KCNIP4: variants seen among roughly 807,000 people sequenced by gnomAD.
KCNIP4 encodes the protein potassium voltage-gated channel interacting protein 4.
Under a neutral mutation model 34.0 loss-of-function variants are expected in KCNIP4, and 12 were observed. The observed-to-expected ratio is 0.35, with a 90% CI of 0.23 to 0.57. The LOEUF is 0.57. Among genes scored for constraint, KCNIP4 ranks in the 20% least tolerant of loss-of-function variants. The pLI, the probability that KCNIP4 is intolerant of heterozygous loss-of-function variation, is 0.83. For missense variants in KCNIP4, 238 were observed against 311.7 expected, an observed-to-expected ratio of 0.76 and a Z score of 1.78; for synonymous variants, 124 against 102.2, an observed-to-expected ratio of 1.21 and a Z score of -1.29.
At chr4:21,464,211 G>C (rs1729720004) in intron 1 of KCNIP4, among the ~76,000 whole-genome samples, 1 of 151,238 alleles carries the variant, frequency 6.6e-6, no homozygotes, top group Non-Finnish European at 1.5e-5. Flanking sequence ...ATTTATTTCT[G>C]TTCTAATATT....
Position 20,858,397 on chromosome 4 carries a change from T to C in KCNIP4, c.164-7730A>G, listed in dbSNP as rs1026547640. ...TGCTTAAGCCACCCAGTCTGTGGCA[T>C]TGTGTTATGGCAGCCCTAGCAAACT... is the stretch of plus-strand genomic sequence containing the variant. On this transcript the variant is annotated intron_variant, in intron 2 of 8. Coordinates refer to ENST00000382152, the MANE Select transcript of KCNIP4 (RefSeq NM_025221.6). 4.6e-5 allele frequency among the ~76,000 whole-genome samples: 7 copies of C among 152,056 alleles called. No homozygotes were observed. In the South Asian group the frequency reaches 1.0e-3, roughly 22 times the overall value.
chr4:21,375,275 A>G (rs1343754373), intron 1 of KCNIP4, among the ~76,000 whole-genome samples: 1 of 152,018 alleles, frequency 6.6e-6, no homozygotes, highest in Non-Finnish European at 1.5e-5. Context: ...AATTGCATCC[A>G]AGAATGTCTT....
chr4:21,243,652 G>T (rs891419166), intron 1 of KCNIP4, among the ~76,000 whole-genome samples: 1 of 152,118 alleles, frequency 6.6e-6, no homozygotes. Context: ...ATTATCAGTT[G>T]CATTAAATGC....
At chr4:21,186,797 A>G (rs1755263179) in intron 1 of KCNIP4, among the ~76,000 whole-genome samples, 1 of 152,114 alleles carries the variant, frequency 6.6e-6, no homozygotes, top group South Asian at 2.1e-4. Flanking sequence ...GGCATATGCC[A>G]CCATGTCCAG....
intron 1 of KCNIP4, among the ~76,000 whole-genome samples, chr4:21,578,271 T>G (rs749146288): frequency 7.5e-6 from 1 of 133,594 alleles, no homozygotes; most frequent in Non-Finnish European, 1.5e-5. Context: ...AGGCGGACGT[T>G]GCAGTGAGCC....
At chr4:21,460,374 G>A (rs1729351911) in intron 1 of KCNIP4, among the ~76,000 whole-genome samples, 1 of 151,966 alleles carries the variant, frequency 6.6e-6, no homozygotes, top group Non-Finnish European at 1.5e-5. Context: ...ACATTTGCTT[G>A]TCTCCATTGC....
At chr4:20,995,278 G>A (rs1246201842) in intron 1 of KCNIP4, among the ~76,000 whole-genome samples, 2 of 152,124 alleles carry the variant, frequency 1.3e-5, no homozygotes, top group Non-Finnish European at 2.9e-5. Context: ...TGTGGGAAGT[G>A]CTTTATATCA....
At chr4:21,579,511 G>A (rs1741036654) in intron 1 of KCNIP4, among the ~76,000 whole-genome samples, 1 of 152,002 alleles carries the variant, frequency 6.6e-6, no homozygotes, top group African/African-American at 2.4e-5. Context: ...ATTAATTGCT[G>A]TTTCAATTAA....
At chr4:21,536,958 T>C (rs1737228621) in intron 1 of KCNIP4, among the ~76,000 whole-genome samples, 1 of 152,174 alleles carries the variant, frequency 6.6e-6, no homozygotes, top group Non-Finnish European at 1.5e-5. Flanking sequence ...TACACTCTGC[T>C]GTTTCCAAAA....
At chr4:20,984,592 CTT>C (rs1475080958) in intron 1 of KCNIP4, among the ~76,000 whole-genome samples, 1 of 152,188 alleles carries the variant, frequency 6.6e-6, no homozygotes, top group Non-Finnish European at 1.5e-5. Flanking sequence ...GATTCAATGA[CTT>C]TGTCAAACGA....
At chr4:21,832,305 T>C (rs1002980088) in intron 1 of KCNIP4, among the ~76,000 whole-genome samples, 2 of 152,180 alleles carry the variant, frequency 1.3e-5, no homozygotes, top group Admixed American at 1.3e-4. Flanking sequence ...GCTTATCCTT[T>C]AGAAACAAGA....
chr4:21,679,473 T>C (rs1750174143), intron 1 of KCNIP4, among the ~76,000 whole-genome samples: 1 of 5,296 alleles, frequency 1.9e-4, no homozygotes, highest in Non-Finnish European at 3.3e-4. Flanking sequence ...TGCCTTTGTT[T>C]CTTGGCTCTT....
At chr4:21,787,629 T>C (rs1719998139) in intron 1 of KCNIP4, among the ~76,000 whole-genome samples, 1 of 152,230 alleles carries the variant, frequency 6.6e-6, no homozygotes, top group Non-Finnish European at 1.5e-5. Flanking sequence ...CAAGATTTGT[T>C]CCTAGGGCTA....
intron 3 of KCNIP4, among the ~76,000 whole-genome samples, chr4:20,828,408 A>C (rs1018796265): frequency 2.6e-5 from 4 of 152,248 alleles, no homozygotes; most frequent in Non-Finnish European, 4.4e-5. Context: ...GCCTGGCGAC[A>C]GAGCAAGACT....
intron 1 of KCNIP4, among the ~76,000 whole-genome samples, chr4:21,668,981 A>C (rs973900736): frequency 6.6e-6 from 1 of 152,146 alleles, no homozygotes; most frequent in Non-Finnish European, 1.5e-5. Flanking sequence ...ACTTTGCCTA[A>C]AAATCAGCAA....
chr4:20,748,398 A>G (rs1752826668), intron 5 of KCNIP4, among the ~76,000 whole-genome samples: 1 of 151,612 alleles, frequency 6.6e-6, no homozygotes, highest in Non-Finnish European at 1.5e-5. Context: ...CATCAGTTGC[A>G]CTGAGCAGGC....
chr4:21,395,121 A>G (rs1722877669), intron 1 of KCNIP4, among the ~76,000 whole-genome samples: 4 of 152,222 alleles, frequency 2.6e-5, no homozygotes, highest in Admixed American at 2.6e-4. Flanking sequence ...AAGAAATTTG[A>G]AATTCGACAA....
At chr4:21,328,172 T>C (rs1448936121) in intron 1 of KCNIP4, among the ~76,000 whole-genome samples, 1 of 152,154 alleles carries the variant, frequency 6.6e-6, no homozygotes, top group Non-Finnish European at 1.5e-5. Flanking sequence ...GTCTTTGTGG[T>C]TGGCTTGTTT....
At chr4:21,466,777 G>T (rs1729978475) in intron 1 of KCNIP4, among the ~76,000 whole-genome samples, 1 of 152,028 alleles carries the variant, frequency 6.6e-6, no homozygotes, top group South Asian at 2.1e-4. Context: ...ATACTTTAGA[G>T]TTGGCTGAAT....
Sources: gnomAD v4.1 joint callset for allele counts (sites outside exome capture counted in the v4.1 genomes callset) on GRCh38, gnomAD v4.1.1 for gene constraint, MANE v1.5 for transcripts, NCBI Gene and HGNC (gene_info 2026-07-23, HGNC 2026-07-21) for gene names.